Variants in CCDC57 observed in about 807,000 individuals in gnomAD.
CCDC57 encodes the protein coiled-coil domain containing 57, also known as coiled-coil domain-containing protein 57.
A neutral mutation model predicts 118.9 loss-of-function variants in CCDC57; 118 were observed. The observed-to-expected ratio is 0.99, with a 90% CI of 0.86 to 1.16. The LOEUF (loss-of-function observed/expected upper bound fraction) is 1.16. Ranked by LOEUF, CCDC57 falls within the 50% of genes most tolerant of loss-of-function variation. The probability of loss-of-function intolerance (pLI) is 0.00; values close to 1 mark genes in which losing one functional copy is unlikely to be tolerated. For synonymous variants in CCDC57, 527 were observed against 532.9 expected (o/e 0.99, Z 0.15); for missense variants, 1,300 against 1,320.7 (o/e 0.98, Z 0.24).
At chr17:82,176,691 C>T (rs1448537151) in intron 11 of CCDC57, among the ~76,000 whole-genome samples, 1 of 152,192 alleles carries the variant, frequency 6.6e-6, no homozygotes, top group African/African-American at 2.4e-5. Flanking sequence ...CCCCCATGAC[C>T]TGGTGTTGGG....
intron 1 of CCDC57, among the ~76,000 whole-genome samples, chr17:82,209,953 T>G (rs1375679370): frequency 6.6e-6 from 1 of 152,048 alleles, no homozygotes; most frequent in African/African-American, 2.4e-5. Context: ...AACACTACCT[T>G]CTAAACTAAA....
exon 10 of CCDC57, chr17:82,179,133 T>C: frequency 6.2e-7 from 1 of 1,614,012 alleles, no homozygotes; most frequent in Non-Finnish European, 8.5e-7. Flanking sequence ...CAGCTGCACC[T>C]GATCACGCTC....
chr17:82,181,953 A>G (rs2046260539), intron 9 of CCDC57, among the ~76,000 whole-genome samples: 1 of 152,014 alleles, frequency 6.6e-6, no homozygotes, highest in Non-Finnish European at 1.5e-5. Context: ...CCCTGTCTCT[A>G]CTAAAAATAC....
At chr17:82,155,892 A>G (rs1421120910) in intron 15 of CCDC57, 1 of 152,192 alleles carries the variant, frequency 6.6e-6, no homozygotes, top group Admixed American at 6.5e-5. Context: ...GCCTCCATGC[A>G]TGTAGACACA....
chr17:82,201,718 G>A (rs1174772907), exon 3 of CCDC57: 1 of 1,613,782 alleles, frequency 6.2e-7, no homozygotes, highest in Admixed American at 1.7e-5. Context: ...GGCGAAGGCG[G>A]CGTCATAGCG....
intron 19 of CCDC57, among the ~76,000 whole-genome samples, chr17:82,123,256 G>C (rs1305021267): frequency 6.7e-6 from 1 of 148,886 alleles, no homozygotes; most frequent in Non-Finnish European, 1.5e-5. Flanking sequence ...GTCTCCCAAA[G>C]TGCTGGGATT....
chr17:82,126,221 A>T, intron 19 of CCDC57: 1 of 259,912 alleles, frequency 3.8e-6, no homozygotes, highest in Non-Finnish European at 6.0e-6. Context: ...AGGAGCTTGC[A>T]GTGAGCTGAG....
At position 82,146,061 on chromosome 17, in the gene CCDC57, GTGAGGACATGCAC is replaced by G. The variant is rs1321645700; in HGVS notation, c.2455+5486_2455+5498del. Among the ~76,000 whole-genome samples the G allele has an allele frequency of 1.2e-4, 19 of 152,360 alleles. No homozygotes were observed. The South Asian group carries it at 3.9e-3, about 32-fold the overall frequency. On this transcript the variant is annotated intron_variant, in intron 16 of 19. Coordinates refer to ENST00000665763, the Ensembl canonical transcript of CCDC57. ...GCGGCCCCTTCCCAGAGGCGGACAGGTGAGGACATGCACTGAGGCAGCTGCAGGTGACCCCTGG... is the reference window on the plus strand; with the variant it reads ...GCGGCCCCTTCCCAGAGGCGGACAGGTGAGGCAGCTGCAGGTGACCCCTGG...
intron 7 of CCDC57, among the ~76,000 whole-genome samples, chr17:82,189,924 C>A (rs1473263902): frequency 6.6e-6 from 1 of 151,984 alleles, no homozygotes; most frequent in African/African-American, 2.4e-5. Flanking sequence ...GCAGGAGAAT[C>A]ACTTGAACCC....
chr17:82,126,109 C>G (rs151012975), intron 19 of CCDC57, among the ~76,000 whole-genome samples: 1 of 151,936 alleles, frequency 6.6e-6, no homozygotes, highest in Non-Finnish European at 1.5e-5. Flanking sequence ...TGTGAAACCC[C>G]GTCTCTACTA....
At position 82,183,870 on chromosome 17, in the gene CCDC57, TTAGA is replaced by T; in HGVS notation, c.1111_1114del (p.Ser371ArgfsTer18). On this transcript the variant is annotated frameshift_variant, in exon 9 of 20. Transcript: ENST00000665763. LOFTEE classifies it high-confidence loss of function. The stretch of plus-strand genomic sequence containing the variant: ...CTGAAGGTCTCTGGAGACCATCTCC[TTAGA>T]TAGTTGAGCAATTTGAGCATCCCAG... 6.2e-7 allele frequency: 1 copy of T among 1,613,616 alleles called. No homozygotes were observed. The highest frequency in any genetic ancestry group is 8.5e-7 in the Non-Finnish European group (1 of 1,179,704).
intron 13 of CCDC57, among the ~76,000 whole-genome samples, chr17:82,166,140 C>T (rs1343825764): frequency 6.6e-6 from 1 of 151,264 alleles, no homozygotes; most frequent in East Asian, 2.0e-4. Context: ...AAAAATTACT[C>T]GTCATATTAA....
intron 16 of CCDC57, among the ~76,000 whole-genome samples, chr17:82,135,781 T>C (rs9892469): frequency 0.47 from 71,020 of 151,556 alleles, 17,405 homozygotes; most frequent in East Asian, 0.88. Flanking sequence ...AGAAAACAGC[T>C]GGGTGCGGTG....
At chr17:82,116,186 GA>G (rs931421660) in intron 19 of CCDC57, among the ~76,000 whole-genome samples, 30 of 125,198 alleles carry the variant, frequency 2.4e-4, no homozygotes, top group Admixed American at 4.0e-4. Context: ...ATTTTTTAAA[GA>G]AAAAAAAAGC....
At chr17:82,127,237 G>T (rs1339705756) in intron 19 of CCDC57, 1 of 985,326 alleles carries the variant, frequency 1.0e-6, no homozygotes, top group Non-Finnish European at 1.2e-6. Flanking sequence ...GTGAGGCTGA[G>T]CATCACTGGG....
At chr17:82,127,869 G>A (rs779217850) in exon 19 of CCDC57, 11 of 1,610,786 alleles carry the variant, frequency 6.8e-6, no homozygotes, top group African/African-American at 1.3e-5. Context: ...TCTTTCTGCC[G>A]AGGTGATTTA....
At position 82,127,874 on chromosome 17, in the gene CCDC57, G is replaced by C; in HGVS notation, c.2717C>G (p.Ser906Ter). Residue 906 changes from serine to a stop codon, truncating the protein, a stop_gained, in exon 19 of 20, where the codon TCA (serine) becomes TGA (stop). Coordinates refer to ENST00000665763, the Ensembl canonical transcript of CCDC57. LOFTEE classifies it high-confidence loss of function. ...GGACCTGTCTTCTTTCTGCCGAGGTGATTTACAGGTCACCGTGTGGATGCT... is the reference window on the plus strand; with the variant it reads ...GGACCTGTCTTCTTTCTGCCGAGGTCATTTACAGGTCACCGTGTGGATGCT... 1.2e-6 allele frequency: 2 copies of C among 1,611,236 alleles called. No homozygotes were observed. The highest frequency in any genetic ancestry group is 1.7e-6 in the Non-Finnish European group (2 of 1,178,908).
chr17:82,123,564 G>A (rs533328007), intron 19 of CCDC57, among the ~76,000 whole-genome samples: 15 of 152,172 alleles, frequency 9.9e-5, no homozygotes, highest in South Asian at 8.3e-4. Context: ...ACCTAACAGC[G>A]AACCTCAAAA....
chr17:82,137,078 T>C (rs1441062600), intron 16 of CCDC57, among the ~76,000 whole-genome samples: 1 of 145,694 alleles, frequency 6.9e-6, no homozygotes, highest in African/African-American at 2.6e-5. Flanking sequence ...AGTGCAGTGG[T>C]GTGATGTTGG....
Sources: gnomAD v4.1 joint callset for allele counts (sites outside exome capture counted in the v4.1 genomes callset) on GRCh38, gnomAD v4.1.1 for gene constraint, MANE v1.5 for transcripts, NCBI Gene and HGNC (gene_info 2026-07-23, HGNC 2026-07-21) for gene names.